Variants in RBFOX3 observed in about 807,000 individuals in gnomAD.
RBFOX3 encodes the protein RNA binding fox-1 homolog 3.
RBFOX3 carries 17 observed loss-of-function variants against 48.7 expected under a neutral mutation model. The ratio of observed to expected loss-of-function variants is 0.35; its 90% CI spans 0.24 to 0.52. The LOEUF is 0.52. RBFOX3 is among the 20% of genes least tolerant of loss of function. The probability of loss-of-function intolerance (pLI) is 0.94; values close to 1 mark genes in which losing one functional copy is unlikely to be tolerated. For synonymous variants in RBFOX3, 212 were observed against 209.5 expected, an observed-to-expected ratio of 1.01 and a Z score of -0.10; for missense variants, 382 against 497.5, an observed-to-expected ratio of 0.77 and a Z score of 2.21.
chr17:79,491,642 T>C (rs2080679603), intron 1 of RBFOX3, among the ~76,000 whole-genome samples: 1 of 151,992 alleles, frequency 6.6e-6, no homozygotes, highest in Admixed American at 6.5e-5. Flanking sequence ...CAGTTTGTGA[T>C]AAGGTGAGGA....
At chr17:79,097,510 G>A (rs1599397759) in intron 10 of RBFOX3, 86 bp from the exon 11 acceptor site, 6 of 1,098,354 alleles carry the variant, frequency 5.5e-6, no homozygotes, top group Non-Finnish European at 6.7e-6. Context: ...GCCCCCCCGC[G>A]CACCTAGCCC....
chr17:79,251,750 A>G (rs1409304205), intron 3 of RBFOX3, among the ~76,000 whole-genome samples: 3 of 152,128 alleles, frequency 2.0e-5, no homozygotes, highest in Non-Finnish European at 4.4e-5. Context: ...TACACTTCAC[A>G]GCTGCCCACA....
chr17:79,211,629 G>A (rs1170544196), intron 4 of RBFOX3, among the ~76,000 whole-genome samples: 7 of 152,120 alleles, frequency 4.6e-5, no homozygotes, highest in East Asian at 1.9e-4. Context: ...CTCAGACTCC[G>A]GGGGGCTGGA....
At chr17:79,519,098 T>A (rs1385721634) in intron 1 of RBFOX3, among the ~76,000 whole-genome samples, 1 of 152,074 alleles carries the variant, frequency 6.6e-6, no homozygotes, top group Admixed American at 6.5e-5. Context: ...AAACAGATGC[T>A]CCGGAGGTAA....
intron 1 of RBFOX3, among the ~76,000 whole-genome samples, chr17:79,591,851 CACGTGTGGAGG>C (rs1240017627): frequency 6.7e-6 from 1 of 148,610 alleles, no homozygotes; most frequent in African/African-American, 2.5e-5. Flanking sequence ...GAGGGGTGTG[CACGTGTGGAGG>C]GTGTGTGGAG....
At chr17:79,465,848 C>G (rs2076239984) in intron 2 of RBFOX3, among the ~76,000 whole-genome samples, 2 of 152,208 alleles carry the variant, frequency 1.3e-5, no homozygotes, top group African/African-American at 4.8e-5. Flanking sequence ...GCCGCCTGGA[C>G]AGAATCCCTC....
chr17:79,344,563 A>C (rs1433357651), intron 2 of RBFOX3, among the ~76,000 whole-genome samples: 2 of 151,482 alleles, frequency 1.3e-5, no homozygotes, highest in Non-Finnish European at 2.9e-5. Flanking sequence ...TTATTTATTT[A>C]TTTATTTAGA....
At chr17:79,496,940 A>C (rs1256989347) in intron 1 of RBFOX3, among the ~76,000 whole-genome samples, 1 of 152,052 alleles carries the variant, frequency 6.6e-6, no homozygotes, top group Non-Finnish European at 1.5e-5. Flanking sequence ...GGAGCCGATG[A>C]CCTTTCACGG....
At chr17:79,323,214 A>C (rs1434855205) in intron 2 of RBFOX3, among the ~76,000 whole-genome samples, 1 of 152,230 alleles carries the variant, frequency 6.6e-6, no homozygotes, top group Non-Finnish European at 1.5e-5. Context: ...CAGCACTGGC[A>C]TGCAACAGGA....
rs1598493840 is a variant in RBFOX3, at chr17:79,392,813, T to C, written c.-174-84989A>G. Among the ~76,000 whole-genome samples the C allele has an allele frequency of 6.6e-6, 1 of 152,346 alleles. No individual in the cohort carries two copies. Among genetic ancestry groups the C allele is most frequent in the East Asian group, 1.9e-4 (1 of 5,184 alleles). Reference sequence around the variant, plus strand: ...TACAGATCTCTGATGTGGGGTTGTTTGTTACTGAGCATAACCTGCTGCTGC... The same window carrying C: ...TACAGATCTCTGATGTGGGGTTGTTCGTTACTGAGCATAACCTGCTGCTGC... On this transcript the variant is annotated intron_variant, in intron 2 of 14. Transcript: ENST00000693108. The surrounding 1 kb of genome is among the most constrained non-coding windows in gnomAD (Gnocchi z 5.0).
chr17:79,624,853 G>A, the RBFOX3 span, among the ~76,000 whole-genome samples: 10 of 116,058 alleles, frequency 8.6e-5, no homozygotes, highest in Admixed American at 2.5e-4. Context: ...AGAACCATCC[G>A]GAGCTCCCAC....
the RBFOX3 span, among the ~76,000 whole-genome samples, chr17:79,620,230 CACGCACATGCACACAT>C: frequency 3.6e-3 from 543 of 151,594 alleles, 3 homozygotes; most frequent in African/African-American, 0.011. Flanking sequence ...GACATGCACA[CACGCACATGCACACAT>C]ACGCACATGC....
intron 1 of RBFOX3, among the ~76,000 whole-genome samples, chr17:79,536,637 C>T (rs1186099842): frequency 2.0e-5 from 3 of 148,098 alleles, no homozygotes; most frequent in Non-Finnish European, 4.5e-5. Context: ...GAGCCGGCCA[C>T]AGGGCATGCT....
intron 4 of RBFOX3, among the ~76,000 whole-genome samples, chr17:79,143,909 CT>C (rs1330232601): frequency 1.3e-5 from 2 of 152,364 alleles, no homozygotes; most frequent in South Asian, 4.1e-4. Context: ...ACGGCCACCC[CT>C]GTTCCTATTT....
intron 1 of RBFOX3, among the ~76,000 whole-genome samples, chr17:79,588,740 T>C (rs1797631301): frequency 6.8e-6 from 1 of 146,162 alleles, no homozygotes; most frequent in South Asian, 2.1e-4. Context: ...CATCCTGAGC[T>C]TGGACCTGGG....
intron 1 of RBFOX3, among the ~76,000 whole-genome samples, chr17:79,532,646 C>A (rs891510156): frequency 6.6e-6 from 1 of 152,232 alleles, no homozygotes; most frequent in Admixed American, 6.5e-5. Context: ...CAGGAAGGAG[C>A]GGCCAGGGGC....
chr17:79,349,471 TC>T (rs1261437417), intron 2 of RBFOX3, among the ~76,000 whole-genome samples: 1 of 151,892 alleles, frequency 6.6e-6, no homozygotes, highest in Non-Finnish European at 1.5e-5. Flanking sequence ...TTCTCCCAAC[TC>T]CTACTCACCC....
intron 2 of RBFOX3, among the ~76,000 whole-genome samples, chr17:79,335,480 G>C (rs1219173564): frequency 6.6e-6 from 1 of 152,186 alleles, no homozygotes; most frequent in Non-Finnish European, 1.5e-5. Flanking sequence ...TACAGTGGAG[G>C]AGGCTGAGGT....
chr17:79,327,943 C>T (rs570203580), intron 2 of RBFOX3, among the ~76,000 whole-genome samples: 3 of 152,330 alleles, frequency 2.0e-5, no homozygotes, highest in African/African-American at 7.2e-5. Flanking sequence ...ATCCACCTAC[C>T]TCGGCCTCCC....
Sources: gnomAD v4.1 joint callset for allele counts (sites outside exome capture counted in the v4.1 genomes callset) on GRCh38, gnomAD v4.1.1 for gene constraint, Gnocchi (gnomAD v3.1) non-coding constraint, MANE v1.5 for transcripts, NCBI Gene and HGNC (gene_info 2026-07-23, HGNC 2026-07-21) for gene names.